The following UST variants were observed in gnomAD, a reference collection of about 807,000 sequenced individuals.
The protein encoded by UST is uronyl 2-sulfotransferase.
A neutral mutation model predicts 45.6 loss-of-function variants in UST; 21 were observed. The observed-to-expected ratio is 0.46, with a 90% CI of 0.33 to 0.66. The LOEUF (loss-of-function observed/expected upper bound fraction) is 0.66. Ranked by LOEUF, UST falls within the 30% of genes least tolerant of loss-of-function variation. UST has a pLI of 0.02. For missense variants in UST, 463 were observed against 512.4 expected, an observed-to-expected ratio of 0.90 and a Z score of 0.93; for synonymous variants, 215 against 200.6, an observed-to-expected ratio of 1.07 and a Z score of -0.61.
intron 1 of UST, among the ~76,000 whole-genome samples, chr6:148,791,272 G>A (rs561599721): frequency 5.9e-5 from 9 of 152,326 alleles, no homozygotes; most frequent in African/African-American, 2.2e-4. Flanking sequence ...GGAGTGCTGA[G>A]GTTGAGAAAC....
intron 7 of UST, among the ~76,000 whole-genome samples, chr6:149,059,328 T>C (rs1776619212): frequency 6.6e-6 from 1 of 152,206 alleles, no homozygotes; most frequent in African/African-American, 2.4e-5. Flanking sequence ...TCTACAAGTG[T>C]CGGGCCCTTC....
intron 5 of UST, among the ~76,000 whole-genome samples, chr6:148,991,105 G>T (rs1781342591): frequency 6.6e-6 from 1 of 152,274 alleles, no homozygotes; most frequent in Admixed American, 6.5e-5. Flanking sequence ...AGGACAATGA[G>T]TAACTGCGGA....
chr6:148,869,403 C>T (rs1562283093), intron 1 of UST, among the ~76,000 whole-genome samples: 1 of 152,176 alleles, frequency 6.6e-6, no homozygotes, highest in Non-Finnish European at 1.5e-5. Flanking sequence ...TTTTAATAGA[C>T]ACCATCAGGC....
chr6:148,807,347 G>A (rs1408559441), intron 1 of UST, among the ~76,000 whole-genome samples: 1 of 152,132 alleles, frequency 6.6e-6, no homozygotes, highest in East Asian at 1.9e-4. Context: ...GGCCTTCAAA[G>A]GAGGAATCAA....
chr6:148,994,086 C>T (rs1394246830), intron 5 of UST, among the ~76,000 whole-genome samples: 26 of 150,034 alleles, frequency 1.7e-4, no homozygotes, highest in African/African-American at 4.9e-4. Context: ...TCTTGTGCCT[C>T]AGCCTCCCAA....
intron 1 of UST, among the ~76,000 whole-genome samples, chr6:148,871,117 C>CCTCTCTCTCTCTGTCTCT (rs1778544603): frequency 1.0e-5 from 1 of 97,586 alleles, no homozygotes; most frequent in Non-Finnish European, 1.9e-5. Context: ...GCATTCTCTC[C>CCTCTCTCTCTCTGTCTCT]CTCTCTCTCT....
intron 2 of UST, among the ~76,000 whole-genome samples, chr6:148,904,421 G>A (rs1779319629): frequency 6.6e-6 from 1 of 152,078 alleles, no homozygotes; most frequent in African/African-American, 2.4e-5. Context: ...CTTGAATCCA[G>A]TAAGATCATT....
Position 148,778,907 on chromosome 6 carries a change from G to T in UST, c.247+31230G>T, listed in dbSNP as rs189698692. On this transcript the variant is annotated intron_variant, in intron 1 of 7. Coordinates refer to ENST00000367463, the MANE Select transcript of UST (RefSeq NM_005715.3). ...CCCATCCGGAATCCAGATTGCATTG[G>T]TTGAGCGTATCACCCCTCTCTTCCC... Among the ~76,000 whole-genome samples the T allele has an allele frequency of 2.6e-5, 4 of 152,178 alleles. No homozygotes were observed. The East Asian group carries it at 7.7e-4, about 29-fold the overall frequency.
chr6:149,056,124 T>TTC, intron 7 of UST, among the ~76,000 whole-genome samples: 1 of 108,818 alleles, frequency 9.2e-6, no homozygotes, highest in African/African-American at 4.1e-5. Flanking sequence ...TTTCTTTTTT[T>TTC]TTTTTTTTTT....
chr6:148,858,699 C>T (rs561099262), intron 1 of UST, among the ~76,000 whole-genome samples: 1 of 152,102 alleles, frequency 6.6e-6, no homozygotes, highest in African/African-American at 2.4e-5. Flanking sequence ...ACCCTGTGTC[C>T]ATGTGTTCTC....
At chr6:148,796,797 CTTTTTTT>C (rs1195878764) in intron 1 of UST, among the ~76,000 whole-genome samples, 6 of 72,078 alleles carry the variant, frequency 8.3e-5, no homozygotes, top group African/African-American at 2.3e-4. Flanking sequence ...TCTGATAATT[CTTTTTTT>C]TTTTTTTTTT....
At chr6:148,838,098 A>G (rs560307097) in intron 1 of UST, among the ~76,000 whole-genome samples, 7 of 152,254 alleles carry the variant, frequency 4.6e-5, no homozygotes, top group African/African-American at 1.7e-4. Flanking sequence ...TCAGTATCAT[A>G]TGATAGAGAG....
chr6:149,072,389 C>T (rs985073936), intron 7 of UST, among the ~76,000 whole-genome samples: 2 of 152,202 alleles, frequency 1.3e-5, no homozygotes, highest in Admixed American at 6.5e-5. Context: ...CATGGTGGCT[C>T]ACACCTGTAA....
At chr6:149,017,148 C>CAT (rs1775911743) in intron 5 of UST, among the ~76,000 whole-genome samples, 2 of 152,144 alleles carry the variant, frequency 1.3e-5, no homozygotes, top group African/African-American at 4.8e-5. Context: ...GAGGCCGAGG[C>CAT]GGGCGGATCA....
rs749134391 is a variant in UST at position 148,871,117 on chromosome 6, C to CCTCTCTCTCTCTCTCTCTCT, written c.248-15859_248-15840dup. Among the ~76,000 whole-genome samples, 803 of 97,448 alleles carry CCTCTCTCTCTCTCTCTCTCT rather than the reference C, an allele frequency of 8.2e-3. 94 individuals carry two copies. Among genetic ancestry groups the CCTCTCTCTCTCTCTCTCTCT allele is most frequent in the African/African-American group, 0.025 (535 of 21,620 alleles). 63.9% of individuals were successfully genotyped at this position (97,448 alleles called of 152,430 possible). A position where few individuals can be genotyped will look rare whatever the true frequency, so the allele number is the denominator to read the frequency against. On this transcript the variant is annotated intron_variant, in intron 1 of 7. Transcript: ENST00000367463. ...GAAGGAGACAGCCAAGCATTCTCTC[C>CCTCTCTCTCTCTCTCTCTCT]CTCTCTCTCTCTCTCTCTCTCTCTC...
rs1779978566 is a variant in UST, at chr6:148,934,310, T to C, written c.292-6969T>C. On this transcript the variant is annotated intron_variant, in intron 2 of 7. Coordinates refer to ENST00000367463, the MANE Select transcript of UST (RefSeq NM_005715.3). The surrounding 1 kb of genome is among the most constrained non-coding windows in gnomAD (Gnocchi z 4.1). ...TTGCACAGCCCTGGCTGTGACTCTT[T>C]CAAGTGTTAGTTTGATTAACCATGA... is the stretch of plus-strand genomic sequence containing the variant. 6.6e-6 allele frequency among the ~76,000 whole-genome samples: 1 copy of C among 152,218 alleles called. No individual in the cohort carries two copies. Among genetic ancestry groups the C allele is most frequent in the Admixed American group, 6.5e-5 (1 of 15,284 alleles).
At chr6:148,776,117 A>C (rs548205830) in intron 1 of UST, among the ~76,000 whole-genome samples, 1 of 152,332 alleles carries the variant, frequency 6.6e-6, no homozygotes, top group South Asian at 2.1e-4. Context: ...TGGCTGAATT[A>C]ATAGGGCAAA....
intron 5 of UST, among the ~76,000 whole-genome samples, chr6:148,968,342 C>T (rs553867973): frequency 5.9e-4 from 90 of 152,330 alleles, no homozygotes; most frequent in Non-Finnish European, 8.7e-4. Context: ...CTTTGCATTT[C>T]CTGGAAAATC....
chr6:149,071,614 G>T (rs933042976), intron 7 of UST, among the ~76,000 whole-genome samples: 7 of 151,972 alleles, frequency 4.6e-5, no homozygotes, highest in Non-Finnish European at 8.8e-5. Flanking sequence ...GAGAAAAATG[G>T]ATAAAATAGT....
Sources: gnomAD v4.1 joint callset for allele counts (sites outside exome capture counted in the v4.1 genomes callset) on GRCh38, gnomAD v4.1.1 for gene constraint, Gnocchi (gnomAD v3.1) non-coding constraint, MANE v1.5 for transcripts, NCBI Gene and HGNC (gene_info 2026-07-23, HGNC 2026-07-21) for gene names.